TBC1D30: variants seen among roughly 807,000 people sequenced by gnomAD.
TBC1D30 encodes TBC1 domain family member 30, also known as TBC1 domain family, member 30.
A neutral mutation model predicts 63.2 loss-of-function variants in TBC1D30; 31 were observed. That is an observed-to-expected ratio of 0.49 (90% CI 0.37 to 0.66). The LOEUF (loss-of-function observed/expected upper bound fraction) is 0.66. Ranked by LOEUF, TBC1D30 falls within the 30% of genes least tolerant of loss-of-function variation. The pLI is 0.00. For synonymous variants in TBC1D30, 307 were observed against 361.5 expected (o/e 0.85, Z 1.71); for missense variants, 810 against 953.6 (o/e 0.85, Z 1.98).
intron 8 of TBC1D30, among the ~76,000 whole-genome samples, chr12:64,861,934 T>C (rs999622762): frequency 3.3e-5 from 5 of 152,174 alleles, no homozygotes; most frequent in African/African-American, 1.2e-4. Flanking sequence ...TGGATACTTG[T>C]TCAATACAAG....
intron 5 of TBC1D30, among the ~76,000 whole-genome samples, chr12:64,833,610 G>A (rs757549149): frequency 2.6e-5 from 4 of 152,164 alleles, no homozygotes; most frequent in Non-Finnish European, 4.4e-5. Context: ...TTAATGTGAT[G>A]TGGAAAAATA....
At chr12:64,785,843 A>G in intron 1 of TBC1D30, 1 of 1,265,990 alleles carries the variant, frequency 7.9e-7, no homozygotes, top group Non-Finnish European at 1.0e-6. Context: ...ATTCCTCTCA[A>G]GGTATTAATC....
chr12:64,861,981 C>T (rs56931558), intron 8 of TBC1D30, among the ~76,000 whole-genome samples: 4 of 152,264 alleles, frequency 2.6e-5, no homozygotes, highest in African/African-American at 9.6e-5. Flanking sequence ...ACCGTCTGTC[C>T]TGCAAAACTG....
intron 2 of TBC1D30, among the ~76,000 whole-genome samples, chr12:64,801,192 C>T (rs1043324599): frequency 6.6e-6 from 1 of 152,112 alleles, no homozygotes; most frequent in African/African-American, 2.4e-5. Context: ...GAGGAGGGGC[C>T]GTATCATTCA....
intron 8 of TBC1D30, among the ~76,000 whole-genome samples, chr12:64,853,120 G>A (rs4045043): frequency 0.043 from 6,514 of 152,282 alleles, 456 homozygotes; most frequent in African/African-American, 0.15. Flanking sequence ...CTCTCTCCCA[G>A]GGAGATGGGA....
rs571320167 is a variant in TBC1D30, at chr12:64,780,893, G to A, written c.85G>A (p.Glu29Lys). The change falls in exon 1 of 13, where the codon GAG (glutamate) becomes AAG (lysine). Residue 29 changes from glutamate to lysine, a missense_variant. Transcript: ENST00000542120. ...CGGCGGCGGTGGCGAGGCGAGGCTG[G>A]AGAGTCAGGAGGAAGAAACGATTCC... is the stretch of plus-strand genomic sequence containing the variant. The A allele has an allele frequency of 1.0e-4, 105 of 1,026,330 alleles. No homozygotes were observed. The African/African-American group carries it at 1.2e-3, about 11-fold the overall frequency. 63.6% of individuals were successfully genotyped at this position (1,026,330 alleles called of 1,614,324 possible).
rs142658323 is a variant in TBC1D30 at position 64,788,191 on chromosome 12, G to T, written c.643+2146G>T. Among the ~76,000 whole-genome samples the T allele has an allele frequency of 2.7e-4, 39 of 145,868 alleles. 1 individual carries two copies. Among genetic ancestry groups the T allele is most frequent in the Middle Eastern group, 3.4e-3 (1 of 290 alleles). On this transcript the variant is annotated intron_variant, in intron 2 of 12. Transcript: ENST00000542120. ...CTAGAGAAGGAAGAAGGGTGTGTAG[G>T]GGTGTGTGTGTGTGTGTGTGTGTGT...
At chr12:64,792,317 T>C (rs1393897849) in intron 2 of TBC1D30, among the ~76,000 whole-genome samples, 1 of 152,240 alleles carries the variant, frequency 6.6e-6, no homozygotes, top group East Asian at 1.9e-4. Context: ...ATTACCTTGC[T>C]TTTCTTTATA....
chr12:64,873,757 G>A (rs1162632293), intron 11 of TBC1D30, among the ~76,000 whole-genome samples: 1 of 152,174 alleles, frequency 6.6e-6, no homozygotes, highest in African/African-American at 2.4e-5. Context: ...GTAATGGAGG[G>A]CCAATCACAG....
At chr12:64,813,874 C>A (rs1326376638) in intron 2 of TBC1D30, among the ~76,000 whole-genome samples, 1 of 151,976 alleles carries the variant, frequency 6.6e-6, no homozygotes, top group Non-Finnish European at 1.5e-5. Context: ...TGCACGGAGC[C>A]CCATGCTAGC....
At chr12:64,870,123 G>A (rs1302342845) in intron 10 of TBC1D30, among the ~76,000 whole-genome samples, 1 of 152,196 alleles carries the variant, frequency 6.6e-6, no homozygotes, top group Non-Finnish European at 1.5e-5. Context: ...GTGGTCTGAA[G>A]TCTTGATAAT....
intron 2 of TBC1D30, among the ~76,000 whole-genome samples, chr12:64,794,054 G>A (rs1221175876): frequency 2.6e-5 from 4 of 152,160 alleles, no homozygotes; most frequent in African/African-American, 4.8e-5. Flanking sequence ...AAATATATGC[G>A]CTTTGATCGA....
intron 8 of TBC1D30, among the ~76,000 whole-genome samples, chr12:64,856,391 A>T (rs1214743823): frequency 6.6e-6 from 1 of 152,226 alleles, no homozygotes; most frequent in Non-Finnish European, 1.5e-5. Flanking sequence ...ATTAGAAGGG[A>T]CTTGGGCCCC....
chr12:64,875,621 C>T lies in TBC1D30; in HGVS notation c.2119C>T (p.Pro707Ser), dbSNP rs1175888778. 2 of 1,536,214 alleles carry T rather than the reference C, an allele frequency of 1.3e-6. No individual in the cohort carries two copies. Among genetic ancestry groups the T allele is most frequent in the Admixed American group, 3.9e-5 (2 of 50,986 alleles). Residue 707 changes from proline to serine, a missense_variant, in exon 12 of 12, where the codon CCC (proline) becomes TCC (serine). By Grantham distance (74) the Pro-to-Ser change is moderately conservative. Transcript: ENST00000539867. ...KAPQGSNSKT[P>S]IFSPFPSVKP... ...TCCCCAAGGCAGCAACTCAAAAACC[C>T]CCATCTTTAGCCCTTTTCCCAGCGT...
chr12:64,866,696 C>T (rs1878244424), intron 9 of TBC1D30, 68 bp from the exon 10 acceptor site: 3 of 1,416,176 alleles, frequency 2.1e-6, no homozygotes, highest in East Asian at 2.5e-5. Flanking sequence ...AACCATGTAA[C>T]TGTATTATGT....
At position 64,832,337 on chromosome 12, in the gene TBC1D30, A is replaced by G. The variant is rs1282297726; in HGVS notation, c.594+33A>G. 13 of 1,518,220 alleles carry G rather than the reference A, an allele frequency of 8.6e-6. No homozygotes were observed. In the Admixed American group the frequency reaches 1.4e-4, roughly 16 times the overall value. 94.0% of individuals were successfully genotyped at this position (1,518,220 alleles called of 1,614,324 possible). A position where few individuals can be genotyped will look rare whatever the true frequency, so the allele number is the denominator to read the frequency against. On this transcript the variant is annotated intron_variant, in intron 5 of 11. Coordinates refer to ENST00000539867, the MANE Select transcript of TBC1D30 (RefSeq NM_015279.2). ...GCAGGCTCTGACAAAGGCCATGGACATTCTTCTGAGAGTGAGAAATTGGAA... is the reference window on the plus strand; with the variant it reads ...GCAGGCTCTGACAAAGGCCATGGACGTTCTTCTGAGAGTGAGAAATTGGAA...
At chr12:64,813,262 C>T (rs1017050066) in intron 2 of TBC1D30, among the ~76,000 whole-genome samples, 4 of 151,952 alleles carry the variant, frequency 2.6e-5, no homozygotes, top group African/African-American at 7.3e-5. Flanking sequence ...TGGTGGTGCA[C>T]GCCTGTAGTC....
At position 64,846,196 on chromosome 12, in the gene TBC1D30, T is replaced by C. The variant is rs1357247461; in HGVS notation, c.1038+2711T>C. Among the ~76,000 whole-genome samples the C allele has an allele frequency of 6.6e-5, 10 of 152,122 alleles. No individual in the cohort carries two copies. In the East Asian group the frequency reaches 1.9e-3, roughly 29 times the overall value. On this transcript the variant is annotated intron_variant, in intron 8 of 11. Coordinates refer to ENST00000539867, the MANE Select transcript of TBC1D30 (RefSeq NM_015279.2). ...TGTTTTCTTTGCTGTGCAGGAGCTT[T>C]TTAACTTTATATGATCCCATTTGTC...
upstream of TBC1D30, among the ~76,000 whole-genome samples, chr12:64,822,164 T>G (rs146187203): frequency 8.0e-4 from 122 of 152,296 alleles, no homozygotes; most frequent in Middle Eastern, 0.014. Context: ...ATATTCAATA[T>G]TTTTTCAATC....
Sources: allele counts gnomAD v4.1 joint callset (sites outside exome capture counted in the v4.1 genomes callset), GRCh38; gene constraint gnomAD v4.1.1; transcripts MANE v1.5; gene names NCBI Gene and HGNC (gene_info 2026-07-23, HGNC 2026-07-21).